ZNF362: variants seen among roughly 807,000 people sequenced by gnomAD.
ZNF362 encodes the protein zinc finger protein 362.
Under a neutral mutation model 42.9 loss-of-function variants are expected in ZNF362, and 11 were observed. That is an observed-to-expected ratio of 0.26 (90% CI 0.16 to 0.42). The LOEUF is 0.42. Ranked by LOEUF, ZNF362 falls within the 20% of genes least tolerant of loss-of-function variation. The probability of loss-of-function intolerance (pLI) is 1.00; values close to 1 mark genes in which losing one functional copy is unlikely to be tolerated. For missense variants in ZNF362, 362 were observed against 576.2 expected, an observed-to-expected ratio of 0.63 and a Z score of 3.81; for synonymous variants, 255 against 257.3, an observed-to-expected ratio of 0.99 and a Z score of 0.09.
the ZNF362 span, among the ~76,000 whole-genome samples, chr1:33,189,125 T>C: frequency 6.6e-6 from 1 of 152,218 alleles, no homozygotes; most frequent in African/African-American, 2.4e-5. Flanking sequence ...ACATGGCTGT[T>C]CTTCAGGAGC....
chr1:33,259,469 T>C (rs1431584674), intron 1 of ZNF362, among the ~76,000 whole-genome samples: 1 of 152,228 alleles, frequency 6.6e-6, no homozygotes, highest in East Asian at 1.9e-4. Context: ...GGGCAGACAC[T>C]TTCCTGTCTT....
At chr1:33,228,865 G>C in the ZNF362 span, among the ~76,000 whole-genome samples, 28,865 of 152,028 alleles carry the variant, frequency 0.19, 2,949 homozygotes, top group East Asian at 0.3. Context: ...CTTCCCACAT[G>C]CCTCAGAATA....
the ZNF362 span, among the ~76,000 whole-genome samples, chr1:33,143,610 G>A: frequency 0.97 from 147,957 of 152,248 alleles, 71,965 homozygotes; most frequent in East Asian, 0.99. Flanking sequence ...AAACCCAGGC[G>A]AGTCAATGAC....
the ZNF362 span, among the ~76,000 whole-genome samples, chr1:33,178,691 C>T: frequency 6.6e-6 from 1 of 152,246 alleles, no homozygotes; most frequent in East Asian, 1.9e-4. Flanking sequence ...CATGAAGTGA[C>T]TCACCAAGGT....
chr1:33,189,722 TAC>T, the ZNF362 span, among the ~76,000 whole-genome samples: 1 of 102,958 alleles, frequency 9.7e-6, no homozygotes, highest in Admixed American at 1.1e-4. Context: ...TATATATACA[TAC>T]ACACATACAC....
the ZNF362 span, among the ~76,000 whole-genome samples, chr1:33,151,987 G>T: frequency 6.6e-6 from 1 of 152,222 alleles, no homozygotes; most frequent in Admixed American, 6.5e-5. Context: ...TTTTCCTCTG[G>T]CCAGGCCTTT....
intron 1 of ZNF362, among the ~76,000 whole-genome samples, chr1:33,263,976 A>G (rs1162537186): frequency 6.6e-6 from 1 of 152,112 alleles, no homozygotes; most frequent in African/African-American, 2.4e-5. Context: ...TGCCCAGCCC[A>G]GCTCAGCCTT....
chr1:33,236,551 ATATATAT>A, the ZNF362 span, among the ~76,000 whole-genome samples: 12 of 23,994 alleles, frequency 5.0e-4, no homozygotes, highest in African/African-American at 1.7e-3. Flanking sequence ...AAAAAAAAAA[ATATATAT>A]ATATATATAT....
chr1:33,278,096 TAAAAGTAATATTA>T (rs1645965088), intron 4 of ZNF362, among the ~76,000 whole-genome samples: 1 of 152,214 alleles, frequency 6.6e-6, no homozygotes, highest in Non-Finnish European at 1.5e-5. Context: ...TTTTCCATTA[TAAAAGTAATATTA>T]AAAAGTAATA....
chr1:33,297,510 CCT>C lies in ZNF362; in HGVS notation c.1147-1417_1147-1416del, dbSNP rs1491563347. 5.0e-3 allele frequency among the ~76,000 whole-genome samples: 143 copies of C among 28,730 alleles called. 2 individuals carry two copies. The highest frequency in any genetic ancestry group is 5.6e-3 in the Non-Finnish European group (98 of 17,580). The allele number at this position is 28,730 out of a possible 152,430, so 18.8% of individuals were successfully genotyped here. On this transcript the variant is annotated intron_variant, in intron 8 of 8. Transcript: ENST00000539719. ...CATGATTTGGTGTATTTACATGATTCCTCTTTTTTTTTTTTTTTTTGAGACGG... is the reference window on the plus strand; with the variant it reads ...CATGATTTGGTGTATTTACATGATTCCTTTTTTTTTTTTTTTTTGAGACGG...
At chr1:33,293,516 A>T (rs942684272) in intron 6 of ZNF362, among the ~76,000 whole-genome samples, 1 of 152,144 alleles carries the variant, frequency 6.6e-6, no homozygotes, top group South Asian at 2.1e-4. Context: ...AGTTTCTTTG[A>T]TGAGTTTGTT....
the ZNF362 span, among the ~76,000 whole-genome samples, chr1:33,245,856 C>T: frequency 6.6e-6 from 1 of 152,186 alleles, no homozygotes; most frequent in Admixed American, 6.5e-5. Flanking sequence ...AGGAGACTCA[C>T]TTGAGCCCAA....
At chr1:33,267,256 C>T (rs1310638530) in intron 1 of ZNF362, among the ~76,000 whole-genome samples, 1 of 152,158 alleles carries the variant, frequency 6.6e-6, no homozygotes, top group Non-Finnish European at 1.5e-5. Context: ...AGGCCTATCG[C>T]CCCATCAGCT....
At chr1:33,181,823 C>T in the ZNF362 span, among the ~76,000 whole-genome samples, 1 of 10,616 alleles carries the variant, frequency 9.4e-5, no homozygotes, top group Non-Finnish European at 1.8e-4. The surrounding 1 kb of genome is among the most constrained non-coding windows in gnomAD (Gnocchi z 6.5). Flanking sequence ...GTCGAAATCC[C>T]GGGGTGGGGG....
the ZNF362 span, chr1:33,147,747 G>T: frequency 6.3e-7 from 1 of 1,598,846 alleles, no homozygotes; most frequent in East Asian, 2.2e-5. The surrounding 1 kb of genome is among the most constrained non-coding windows in gnomAD (Gnocchi z 8.1). Flanking sequence ...TTGGAGGAGG[G>T]AGAGAAGATG....
At chr1:33,285,301 C>G (rs1453740067) in intron 6 of ZNF362, among the ~76,000 whole-genome samples, 1 of 152,114 alleles carries the variant, frequency 6.6e-6, no homozygotes, top group Non-Finnish European at 1.5e-5. Context: ...GTAGTCCCAT[C>G]TACTCGGGAG....
At chr1:33,236,550 A>AAAAAAAAAAATAT in the ZNF362 span, among the ~76,000 whole-genome samples, 23 of 5,978 alleles carry the variant, frequency 3.8e-3, 3 homozygotes, top group African/African-American at 5.8e-3. Flanking sequence ...AAAAAAAAAA[A>AAAAAAAAAAATAT]ATATATATAT....
rs182169748 is a variant in ZNF362, at chr1:33,259,637, A to G, written c.-89+2983A>G. 6.9e-4 allele frequency among the ~76,000 whole-genome samples: 105 copies of G among 152,322 alleles called. 1 individual carries two copies. The highest frequency in any genetic ancestry group is 2.1e-3 in the African/African-American group (87 of 41,564). ...ATCTACCCATCTGTCCTTCTATGCA[A>G]TCCTTAGCTCACCCAGCCCACACTG... On this transcript the variant is annotated intron_variant, in intron 1 of 8. Coordinates refer to ENST00000539719, the MANE Select transcript of ZNF362 (RefSeq NM_152493.3).
chr1:33,295,821 G>A (rs946080802), intron 8 of ZNF362, among the ~76,000 whole-genome samples: 5 of 152,126 alleles, frequency 3.3e-5, no homozygotes, highest in Admixed American at 3.3e-4. Flanking sequence ...CAGGCGAATC[G>A]CTTGAGTGTG....
Sources: gnomAD v4.1 joint callset for allele counts (sites outside exome capture counted in the v4.1 genomes callset) on GRCh38, gnomAD v4.1.1 for gene constraint, Gnocchi (gnomAD v3.1) non-coding constraint, MANE v1.5 for transcripts, NCBI Gene and HGNC (gene_info 2026-07-23, HGNC 2026-07-21) for gene names.